SLC19A2: variants seen among roughly 807,000 people sequenced by gnomAD.
The protein encoded by SLC19A2 is thiamine transporter 1.
Under a neutral mutation model 44.7 loss-of-function variants are expected in SLC19A2, and 27 were observed. That is an observed-to-expected ratio of 0.60 (90% confidence interval 0.45 to 0.83). The LOEUF (loss-of-function observed/expected upper bound fraction) is 0.83, where lower values mean the gene tolerates loss of function less well. SLC19A2 is among the 40% of genes least tolerant of loss of function. The pLI, the probability that SLC19A2 is intolerant of heterozygous loss-of-function variation, is 0.00. For synonymous variants in SLC19A2, 239 were observed against 243.6 expected, an observed-to-expected ratio of 0.98 and a Z score of 0.18; for missense variants, 566 against 613.7, an observed-to-expected ratio of 0.92 and a Z score of 0.82.
rs151070083 is a variant in SLC19A2 at position 169,480,438 on chromosome 1, G to A, written c.205-2681C>T. 3.6e-3 allele frequency among the ~76,000 whole-genome samples: 552 copies of A among 151,806 alleles called. 7 individuals are homozygous for A. The highest frequency in any genetic ancestry group is 0.013 in the African/African-American group (518 of 41,382). ...AGCGATTCTCCTGCCTCAGCCTCCCGAGTAGCTGGAATTACAGGTGCCTGT... is the reference window on the plus strand; with the variant it reads ...AGCGATTCTCCTGCCTCAGCCTCCCAAGTAGCTGGAATTACAGGTGCCTGT... On this transcript the variant is annotated intron_variant, in intron 1 of 5. Coordinates refer to ENST00000236137, the MANE Select transcript of SLC19A2 (RefSeq NM_006996.3).
intron 1 of SLC19A2, among the ~76,000 whole-genome samples, chr1:169,484,243 G>T (rs1350339596): frequency 1.3e-5 from 2 of 152,172 alleles, no homozygotes; most frequent in Non-Finnish European, 2.9e-5. Context: ...AAATGACGGA[G>T]CATTGCAACA....
At chr1:169,479,569 T>C (rs929271591) in intron 1 of SLC19A2, among the ~76,000 whole-genome samples, 2 of 152,230 alleles carry the variant, frequency 1.3e-5, no homozygotes, top group African/African-American at 2.4e-5. Context: ...AATTACTTAC[T>C]CCACCTGATT....
intron 3 of SLC19A2, among the ~76,000 whole-genome samples, chr1:169,469,599 T>A (rs1348748853): frequency 6.6e-6 from 1 of 152,184 alleles, no homozygotes; most frequent in Non-Finnish European, 1.5e-5. Context: ...CTAGCACATA[T>A]TAACATTCAA....
At chr1:169,477,117 C>G (rs1215512099) in intron 2 of SLC19A2, 38 bp downstream of exon 2, 9 of 1,611,882 alleles carry the variant, frequency 5.6e-6, no homozygotes, top group Non-Finnish European at 7.6e-6. Context: ...GTCCAGCCCC[C>G]ATAGTAGCAA....
chr1:169,467,268 T>A (rs190327547), intron 5 of SLC19A2, among the ~76,000 whole-genome samples: 2 of 152,348 alleles, frequency 1.3e-5, no homozygotes, highest in African/African-American at 4.8e-5. Context: ...AGTGATGGTA[T>A]GGACAAGTCA....
chr1:169,471,396 G>A (rs926610025), intron 2 of SLC19A2, among the ~76,000 whole-genome samples: 3 of 151,366 alleles, frequency 2.0e-5, no homozygotes, highest in East Asian at 1.9e-4. Context: ...TCAGGAGGCC[G>A]TGGCAGGAGA....
At chr1:169,471,015 G>C (rs926704838) in intron 2 of SLC19A2, among the ~76,000 whole-genome samples, 1 of 149,932 alleles carries the variant, frequency 6.7e-6, no homozygotes, top group Non-Finnish European at 1.5e-5. Flanking sequence ...TTGAGCCCAG[G>C]AGTTCAAGAC....
chr1:169,473,528 G>A (rs1407718799), intron 2 of SLC19A2, among the ~76,000 whole-genome samples: 3 of 151,856 alleles, frequency 2.0e-5, no homozygotes, highest in Non-Finnish European at 2.9e-5. Context: ...TTACAGGTGT[G>A]AGTCACCATG....
Position 169,465,792 on chromosome 1 carries a change from A to C in SLC19A2, c.*57T>G, listed in dbSNP as rs1411579038. On this transcript the variant is annotated 3_prime_UTR_variant, in exon 6 of 6. Coordinates refer to ENST00000236137, the MANE Select transcript of SLC19A2 (RefSeq NM_006996.3). The stretch of plus-strand genomic sequence containing the variant: ...GTCTACGCTTTAAAAAATCAAACAC[A>C]TCCAGGCAGTTGCTGTGCAGAGTTC... The C allele has an allele frequency of 6.3e-7, 1 of 1,597,402 alleles. No homozygotes were observed. The highest frequency in any genetic ancestry group is 1.3e-5 in the African/African-American group (1 of 74,678).
chr1:169,471,405 G>A (rs1226420246), intron 2 of SLC19A2, among the ~76,000 whole-genome samples: 17 of 151,196 alleles, frequency 1.1e-4, no homozygotes, highest in African/African-American at 3.4e-4. Context: ...CGTGGCAGGA[G>A]AAATGCTTGA....
intron 4 of SLC19A2, 116 bp from the exon 5 acceptor site, chr1:169,468,368 G>C: frequency 1.1e-6 from 1 of 904,548 alleles, no homozygotes; most frequent in Non-Finnish European, 1.6e-6. Context: ...TCTTTCTACT[G>C]TCAATTGCCT....
intron 1 of SLC19A2, among the ~76,000 whole-genome samples, chr1:169,481,445 A>G (rs1458793308): frequency 6.6e-6 from 1 of 152,236 alleles, no homozygotes; most frequent in Non-Finnish European, 1.5e-5. Flanking sequence ...AGCTTTTCCA[A>G]TCTGCACTGA....
intron 1 of SLC19A2, among the ~76,000 whole-genome samples, chr1:169,483,726 A>G (rs952655467): frequency 6.6e-6 from 1 of 152,240 alleles, no homozygotes; most frequent in Non-Finnish European, 1.5e-5. Context: ...AAAACAGATC[A>G]GCTTTCAAAT....
At chr1:169,482,560 T>A (rs1658466319) in intron 1 of SLC19A2, among the ~76,000 whole-genome samples, 2 of 152,248 alleles carry the variant, frequency 1.3e-5, no homozygotes, top group Admixed American at 1.3e-4. Context: ...ACTGAGATCC[T>A]CAGCTCTCCA....
At position 169,465,810 on chromosome 1, in the gene SLC19A2, C is replaced by CAG. The variant is rs1323381991; in HGVS notation, c.*37_*38dup. 9 of 1,610,052 alleles carry CAG rather than the reference C, an allele frequency of 5.6e-6. No homozygotes were observed. The highest frequency in any genetic ancestry group is 7.6e-6 in the Non-Finnish European group (9 of 1,177,674). ...CAAACACATCCAGGCAGTTGCTGTG[C>CAG]AGAGTTCTTGCTATAAGAAGAAGCC... On this transcript the variant is annotated 3_prime_UTR_variant, in exon 6 of 6. Transcript: ENST00000236137.
intron 2 of SLC19A2, among the ~76,000 whole-genome samples, chr1:169,474,399 G>C (rs543259451): frequency 6.6e-6 from 1 of 152,102 alleles, no homozygotes; most frequent in Admixed American, 6.5e-5. Flanking sequence ...ATTTCTAATA[G>C]ATGAAGAACT....
At position 169,485,730 on chromosome 1, in the gene SLC19A2, C is replaced by G; in HGVS notation, c.37G>C (p.Ala13Pro). The change falls in exon 1 of 6, where the codon GCG becomes CCG. Residue 13 changes from alanine (A) to proline (P), a missense_variant. Physicochemically the swap from Ala to Pro is conservative, Grantham distance 27 (BLOSUM62 -1). Transcript: ENST00000236137. ...CGCAGGAGCACAGTGGCCGCCGCCG[C>G]CGCCGCCCGCCGAGACACCGGGCCG... ...VPGPVSRRAAAAAATVLLRTA... is the reference protein window; with the variant it reads ...VPGPVSRRAAPAAATVLLRTA... The G allele has an allele frequency of 4.6e-6, 7 of 1,531,624 alleles. No homozygotes were observed. The highest frequency in any genetic ancestry group is 6.1e-6 in the Non-Finnish European group (7 of 1,143,764). 94.9% of individuals were successfully genotyped at this position (1,531,624 alleles called of 1,614,324 possible). A position where few individuals can be genotyped will look rare whatever the true frequency, so the allele number is the denominator to read the frequency against.
rs766116600 is a variant in SLC19A2 at position 169,477,557 on chromosome 1, T to C, written c.405A>G (p.Thr135=). The change falls in exon 2 of 6, where the codon ACA becomes ACG. Residue 135 remains threonine (T), a synonymous_variant. Coordinates refer to ENST00000236137, the MANE Select transcript of SLC19A2 (RefSeq NM_006996.3). The stretch of plus-strand genomic sequence containing the variant: ...AAGAGTAATAGGCAATTTCAGTGGC[T>C]GTGGCGATGCCATAAAAAAATTCTA... The part of the protein sequence containing the change: ...QFLEFFYGIA[T]ATEIAYYSYI... The C allele has an allele frequency of 4.3e-6, 7 of 1,614,028 alleles. No individual in the cohort carries two copies. In the Admixed American group the frequency reaches 8.3e-5, roughly 19 times the overall value.
At chr1:169,471,699 T>TGTGTGTGTGTGTGTGTG in intron 2 of SLC19A2, among the ~76,000 whole-genome samples, 1 of 133,018 alleles carries the variant, frequency 7.5e-6, no homozygotes, top group African/African-American at 2.8e-5. Flanking sequence ...TGTGTGTGTG[T>TGTGTGTGTGTGTGTGTG]ATATATACAC....
Sources: gnomAD v4.1 joint callset for allele counts (sites outside exome capture counted in the v4.1 genomes callset) on GRCh38, gnomAD v4.1.1 for gene constraint, MANE v1.5 for transcripts, NCBI Gene and HGNC (gene_info 2026-07-23, HGNC 2026-07-21) for gene names.